The following VEGFC variants were observed in gnomAD, a reference collection of about 807,000 sequenced individuals.
The protein encoded by VEGFC is vascular endothelial growth factor C.
In VEGFC, 12 loss-of-function variants were observed where a neutral mutation model predicts 46.1. That is an observed-to-expected ratio of 0.26 (90% CI 0.17 to 0.42). VEGFC has a LOEUF of 0.42. VEGFC is among the 10% of genes least tolerant of loss of function. VEGFC has a pLI of 1.00. For synonymous variants in VEGFC, 232 were observed against 195.5 expected (o/e 1.19, Z -1.56); for missense variants, 488 against 529.4 (o/e 0.92, Z 0.77).
chr4:176,762,993 T>G (rs1403245202), intron 1 of VEGFC, among the ~76,000 whole-genome samples: 1 of 152,232 alleles, frequency 6.6e-6, no homozygotes, highest in Non-Finnish European at 1.5e-5. Context: ...GCAAGGAAAT[T>G]TGCCTGTCTC....
chr4:176,763,221 A>T (rs1366296239), intron 1 of VEGFC, among the ~76,000 whole-genome samples: 3 of 152,256 alleles, frequency 2.0e-5, no homozygotes, highest in African/African-American at 7.2e-5. Context: ...TCTTCAACTA[A>T]TTCCCAAATA....
intron 1 of VEGFC, among the ~76,000 whole-genome samples, chr4:176,732,497 T>C (rs1162002293): frequency 6.6e-6 from 1 of 151,860 alleles, no homozygotes; most frequent in Non-Finnish European, 1.5e-5. Flanking sequence ...TCACTAAAAA[T>C]GGACCAAACT....
Position 176,715,977 on chromosome 4 carries a change from C to T in VEGFC, c.553-4327G>A, listed in dbSNP as rs192446591. 4.2e-3 allele frequency among the ~76,000 whole-genome samples: 642 copies of T among 152,140 alleles called. 3 individuals carry two copies. The highest frequency in any genetic ancestry group is 0.021 in the South Asian group (100 of 4,814). ...CTACTTCTGAGACTTGGAAAAATTA[C>T]CTAACTTCCCCAAGCCTCCATTTCA... On this transcript the variant is annotated intron_variant, in intron 3 of 6. Coordinates refer to ENST00000618562, the MANE Select transcript of VEGFC (RefSeq NM_005429.5).
rs189255817 is a variant in VEGFC at position 176,751,700 on chromosome 4, A to T, written c.148-21954T>A. On this transcript the variant is annotated intron_variant, in intron 1 of 6. Coordinates refer to ENST00000618562, the MANE Select transcript of VEGFC (RefSeq NM_005429.5). ...ATGTTCAGCACAACATAATTTACAA[A>T]AAGTTGGATAGATCAATGATATGTG... Among the ~76,000 whole-genome samples, 818 of 152,128 alleles carry T rather than the reference A, an allele frequency of 5.4e-3. 6 individuals are homozygous for T. The highest frequency in any genetic ancestry group is 9.1e-3 in the Non-Finnish European group (620 of 67,948).
intron 1 of VEGFC, among the ~76,000 whole-genome samples, chr4:176,766,518 T>C (rs1011461946): frequency 4.4e-4 from 66 of 151,006 alleles, no homozygotes; most frequent in African/African-American, 1.6e-3. Flanking sequence ...CCCTGAGAGA[T>C]TGTGGCTGTG....
chr4:176,774,136 A>AAAAAT (rs70964806), intron 1 of VEGFC, among the ~76,000 whole-genome samples: 124,914 of 151,464 alleles, frequency 0.82, 53,129 homozygotes, highest in East Asian at 1. Context: ...CATTGCTAGG[A>AAAAAT]AAAATAACAG....
intron 1 of VEGFC, among the ~76,000 whole-genome samples, chr4:176,782,708 G>A (rs1735937694): frequency 6.6e-6 from 1 of 152,062 alleles, no homozygotes; most frequent in Admixed American, 6.5e-5. Context: ...TATCTCCATA[G>A]AGATGTGAAT....
Position 176,727,985 on chromosome 4 carries a change from A to AC in VEGFC, c.362-18_362-17insG. ...TATCAATACCTGTCAAGTCATAGGG[A>AC]AATCAGTAAGTTTTACGGAAACCAC... On this transcript the variant is annotated splice_polypyrimidine_tract_variant and intron_variant, in intron 2 of 6. Transcript: ENST00000618562. 5.1e-6 allele frequency: 8 copies of AC among 1,563,400 alleles called. No individual in the cohort carries two copies. Among genetic ancestry groups the AC allele is most frequent in the Non-Finnish European group, 7.0e-6 (8 of 1,150,596 alleles).
At chr4:176,777,918 CAAAAAAAAAAAAAA>C (rs773634012) in intron 1 of VEGFC, among the ~76,000 whole-genome samples, 2 of 57,146 alleles carry the variant, frequency 3.5e-5, no homozygotes, top group Admixed American at 3.3e-4. Flanking sequence ...GACTTTGTCT[CAAAAAAAAAAAAAA>C]AAAAAAAAAA....
intron 4 of VEGFC, among the ~76,000 whole-genome samples, chr4:176,708,206 T>C (rs754946717): frequency 2.1e-4 from 32 of 151,794 alleles, no homozygotes; most frequent in Admixed American, 9.2e-4. Flanking sequence ...ATTTGTATTA[T>C]ATATTCATAT....
At chr4:176,720,232 T>C (rs1273375059) in intron 3 of VEGFC, among the ~76,000 whole-genome samples, 1 of 152,144 alleles carries the variant, frequency 6.6e-6, no homozygotes, top group African/African-American at 2.4e-5. Context: ...ATCAATACCC[T>C]AAGAATTAAT....
intron 1 of VEGFC, among the ~76,000 whole-genome samples, chr4:176,733,423 A>G (rs914759334): frequency 6.6e-6 from 1 of 152,000 alleles, no homozygotes; most frequent in Non-Finnish European, 1.5e-5. Context: ...ATATCCAACA[A>G]TGAAAAGAAG....
intron 4 of VEGFC, among the ~76,000 whole-genome samples, chr4:176,700,541 G>T (rs1000778811): frequency 6.6e-5 from 10 of 152,062 alleles, no homozygotes; most frequent in African/African-American, 2.2e-4. Flanking sequence ...ATGTCACATT[G>T]TGTGGTCACC....
rs1245809201 is a variant in VEGFC at position 176,763,365 on chromosome 4, T to C, written c.147+28800A>G. ...AAAATAAGAGAAAATGAAAAAAAACTATAGTTAACATGAATGAATCACAGA... is the reference window on the plus strand; with the variant it reads ...AAAATAAGAGAAAATGAAAAAAAACCATAGTTAACATGAATGAATCACAGA... On this transcript the variant is annotated intron_variant, in intron 1 of 6. Coordinates refer to ENST00000618562, the MANE Select transcript of VEGFC (RefSeq NM_005429.5). Among the ~76,000 whole-genome samples the C allele has an allele frequency of 1.5e-4, 5 of 33,794 alleles. No homozygotes were observed. The East Asian group carries it at 0.15, about 994-fold the overall frequency. The allele number at this position is 33,794 out of a possible 152,430, so 22.2% of individuals were successfully genotyped here.
intron 3 of VEGFC, 104 bp from the exon 4 acceptor site, chr4:176,711,754 G>T (rs780173266): frequency 6.5e-5 from 75 of 1,146,720 alleles, no homozygotes; most frequent in Non-Finnish European, 8.5e-5. Context: ...CTCTATATAA[G>T]TAGCTGCCTA....
chr4:176,768,850 C>T (rs1320015272), intron 1 of VEGFC, among the ~76,000 whole-genome samples: 1 of 152,022 alleles, frequency 6.6e-6, no homozygotes, highest in Non-Finnish European at 1.5e-5. Context: ...CCTGAAACTC[C>T]AGTAAAGGCT....
At chr4:176,770,212 C>A (rs2110925696) in intron 1 of VEGFC, among the ~76,000 whole-genome samples, 1 of 152,202 alleles carries the variant, frequency 6.6e-6, no homozygotes, top group Non-Finnish European at 1.5e-5. Flanking sequence ...TAGTAAAAAC[C>A]AGGCTAACTT....
At chr4:176,765,207 A>G (rs13117516) in intron 1 of VEGFC, among the ~76,000 whole-genome samples, 107,120 of 151,890 alleles carry the variant, frequency 0.71, 43,677 homozygotes, top group East Asian at 0.93. Context: ...TGGAATTAAT[A>G]ATATTAGAGC....
At chr4:176,737,873 G>C (rs887363831) in intron 1 of VEGFC, among the ~76,000 whole-genome samples, 2 of 151,872 alleles carry the variant, frequency 1.3e-5, no homozygotes, top group Non-Finnish European at 2.9e-5. Context: ...TTGCAAATGA[G>C]AGATATTGTG....
Sources: gnomAD v4.1 joint callset for allele counts (sites outside exome capture counted in the v4.1 genomes callset) on GRCh38, gnomAD v4.1.1 for gene constraint, MANE v1.5 for transcripts, NCBI Gene and HGNC (gene_info 2026-07-23, HGNC 2026-07-21) for gene names.